The following LTBR variants were observed in gnomAD, a reference collection of about 807,000 sequenced individuals.
LTBR encodes the protein lymphotoxin beta receptor.
In LTBR, 15 loss-of-function variants were observed where a neutral mutation model predicts 45.4. The ratio of observed to expected loss-of-function variants is 0.33; its 90% CI spans 0.22 to 0.51. The LOEUF is 0.51. Ranked by LOEUF, LTBR falls within the 20% of genes least tolerant of loss-of-function variation. The pLI is 0.97. For synonymous variants in LTBR, 228 were observed against 231.0 expected, an observed-to-expected ratio of 0.99 and a Z score of 0.12; for missense variants, 450 against 565.5, an observed-to-expected ratio of 0.80 and a Z score of 2.07.
chr12:6,388,973 C>A lies in LTBR; in HGVS notation c.801+148C>A. 1 of 948,842 alleles carries A rather than the reference C, an allele frequency of 1.1e-6. No individual in the cohort carries two copies. Among genetic ancestry groups the A allele is most frequent in the Non-Finnish European group, 1.6e-6 (1 of 611,710 alleles). The allele number at this position is 948,842 out of a possible 1,614,324, so 58.8% of individuals were successfully genotyped here. A position where few individuals can be genotyped will look rare whatever the true frequency, so the allele number is the denominator to read the frequency against. On this transcript the variant is annotated intron_variant, in intron 8 of 9. Coordinates refer to ENST00000228918, the MANE Select transcript of LTBR (RefSeq NM_002342.3). The surrounding 1 kb of genome is among the most constrained non-coding windows in gnomAD (Gnocchi z 4.3). ...TACTGAACATGCCACGTACCAGGCA[C>A]TGTCCTAGGCACTGGGCGTACAGCA...
Position 6,377,550 on chromosome 12 carries a change from T to C in LTBR, c.39+1956T>C, listed in dbSNP as rs1231906196. The C allele has an allele frequency of 9.4e-6, 8 of 847,258 alleles. No homozygotes were observed. In the South Asian group the frequency reaches 1.0e-4, roughly 11 times the overall value. 52.5% of individuals were successfully genotyped at this position (847,258 alleles called of 1,614,324 possible). On this transcript the variant is annotated intron_variant, in intron 1 of 9. Coordinates refer to the LTBR transcript ENST00000539925. The stretch of plus-strand genomic sequence containing the variant: ...ACACAGAGCCCGTGGATTCGTCTGC[T>C]CTCTGGGTGCTGGGTTATCTCCTTG...
At chr12:6,383,274 G>A (rs565723415), upstream of LTBR, among the ~76,000 whole-genome samples, 21 of 152,188 alleles carry the variant, frequency 1.4e-4, no homozygotes, top group Non-Finnish European at 2.1e-4. Flanking sequence ...GTAACTCCAC[G>A]GGTGGGTGGG....
intron 1 of LTBR, among the ~76,000 whole-genome samples, chr12:6,378,127 T>C (rs943820234): frequency 7.2e-5 from 11 of 152,186 alleles, no homozygotes; most frequent in African/African-American, 2.7e-4. Context: ...CCCCTTCCTT[T>C]CCCTCCCCAA....
chr12:6,390,066 G>T (rs1170875484), intron 8 of LTBR, 46 bp from the exon 9 acceptor site: 3 of 1,294,016 alleles, frequency 2.3e-6, no homozygotes, highest in Non-Finnish European at 3.4e-6. Flanking sequence ...AGAAAAAAGG[G>T]TCTGGGGCCC....
rs745778884 is a variant in LTBR, at chr12:6,390,775, C to T, written c.1146C>T (p.Pro382=). The change falls in exon 10 of 10, where the codon CCC becomes CCT. Residue 382 remains proline (P), a synonymous_variant. Coordinates refer to ENST00000228918, the MANE Select transcript of LTBR (RefSeq NM_002342.3). ...GTCCTGGAGACCTCCCAGCTACCCC[C>T]GAACCTCCATACCCCATTCCCGAAG... The part of the protein sequence containing the change: ...PPGPGDLPAT[P]EPPYPIPEEG... The T allele has an allele frequency of 7.8e-5, 125 of 1,592,514 alleles. No homozygotes were observed. Among genetic ancestry groups the T allele is most frequent in the Admixed American group, 3.5e-4 (20 of 57,074 alleles).
chr12:6,390,296 G>A lies in LTBR; in HGVS notation c.986G>A (p.Arg329Lys). Residue 329 changes from arginine (R) to lysine (K), a missense_variant, in exon 9 of 10, where the codon AGG (arginine) becomes AAG (lysine). Physicochemically the swap from Arg to Lys is conservative, Grantham distance 26. Around this residue, in one of 3 missense-constraint regions of LTBR, gnomAD observed 367 missense variants for 435.4 expected, o/e 0.84. Coordinates refer to ENST00000228918, the MANE Select transcript of LTBR (RefSeq NM_002342.3). ...CAGCAGAGTCCTCTGGACCTGACCA[G>A]GGAGCCGCAGTTGGAACCCGGGGAG... Reference protein sequence around the residue: ...PQQQSPLDLTREPQLEPGEQS... With the variant: ...PQQQSPLDLTKEPQLEPGEQS... 1 of 1,612,638 alleles carries A rather than the reference G, an allele frequency of 6.2e-7. No homozygotes were observed. The highest frequency in any genetic ancestry group is 8.5e-7 in the Non-Finnish European group (1 of 1,179,016).
intron 4 of LTBR, 93 bp downstream of exon 4, chr12:6,385,472 A>AC: frequency 1.1e-5 from 16 of 1,448,122 alleles, no homozygotes; most frequent in South Asian, 1.0e-4. Context: ...GTCCACGGCG[A>AC]CCCCCCAGAT....
In LTBR at chr12:6,386,604, TACACACACACAC is replaced by T. The variant is rs3075360; in HGVS notation, c.667+181_667+192del. 8.1e-5 allele frequency: 44 copies of T among 546,504 alleles called. No individual in the cohort carries two copies. The highest frequency in any genetic ancestry group is 5.3e-4 in the South Asian group (23 of 43,306). 33.9% of individuals were successfully genotyped at this position (546,504 alleles called of 1,614,324 possible). ...AAATTGGAGTATCTCTAGGCTAGTT[TACACACACACAC>T]ACACACACACACACACACACTTTTA... On this transcript the variant is annotated intron_variant, in intron 6 of 9. Coordinates refer to ENST00000228918, the MANE Select transcript of LTBR (RefSeq NM_002342.3). This position sits in a 1 kb window ranked among gnomAD's most constrained non-coding sequence, Gnocchi z 4.1.
At position 6,386,188 on chromosome 12, in the gene LTBR, T is replaced by C; in HGVS notation, c.569+26T>C. ...GTGAGTGCAGCCCCACCCAAGCTCCTTCCACCCTCTGAGAAGCCTCAGCTG... is the reference window on the plus strand; with the variant it reads ...GTGAGTGCAGCCCCACCCAAGCTCCCTCCACCCTCTGAGAAGCCTCAGCTG... On this transcript the variant is annotated intron_variant, in intron 5 of 9. Coordinates refer to ENST00000228918, the MANE Select transcript of LTBR (RefSeq NM_002342.3). The surrounding 1 kb of genome is among the most constrained non-coding windows in gnomAD (Gnocchi z 4.1). 1 of 1,589,228 alleles carries C rather than the reference T, an allele frequency of 6.3e-7. No individual in the cohort carries two copies. The highest frequency in any genetic ancestry group is 8.6e-7 in the Non-Finnish European group (1 of 1,158,048).
At position 6,388,721 on chromosome 12, in the gene LTBR, T is replaced by C. The variant is rs970404069; in HGVS notation, c.776-79T>C. The stretch of plus-strand genomic sequence containing the variant: ...CCCCGGGTGGTCAAGTTGCTACACA[T>C]TGTGCTGGGATGTGGAGGCTGAAAG... On this transcript the variant is annotated intron_variant, in intron 7 of 9. Transcript: ENST00000228918. This position sits in a 1 kb window ranked among gnomAD's most constrained non-coding sequence, Gnocchi z 4.3. 3 of 1,573,250 alleles carry C rather than the reference T, an allele frequency of 1.9e-6. No homozygotes were observed. Among genetic ancestry groups the C allele is most frequent in the Non-Finnish European group, 1.7e-6 (2 of 1,144,184 alleles).
At chr12:6,385,510 C>A in intron 4 of LTBR, 131 bp downstream of exon 4, 2 of 1,088,218 alleles carry the variant, frequency 1.8e-6, no homozygotes, top group South Asian at 1.5e-5. Context: ...TCTTCTCATT[C>A]CATGCAGAGG....
rs777604934 is a variant in LTBR at position 6,388,185 on chromosome 12, AGAG to A, written c.668-211_668-209del. 22 of 539,666 alleles carry A rather than the reference AGAG, an allele frequency of 4.1e-5. No homozygotes were observed. The highest frequency in any genetic ancestry group is 6.7e-5 in the Non-Finnish European group (20 of 298,814). 33.4% of individuals were successfully genotyped at this position (539,666 alleles called of 1,614,324 possible). A position where few individuals can be genotyped will look rare whatever the true frequency, so the allele number is the denominator to read the frequency against. ...ATGATACAGTCTCTCCTGGCTGCCA[AGAG>A]GTCCTCAAGTCCAACTTAGTTCCCC... On this transcript the variant is annotated intron_variant, in intron 6 of 9. Coordinates refer to ENST00000228918, the MANE Select transcript of LTBR (RefSeq NM_002342.3). The surrounding 1 kb of genome is among the most constrained non-coding windows in gnomAD (Gnocchi z 4.3).
intron 4 of LTBR, chr12:6,385,591 G>T (rs1949030982): frequency 3.1e-6 from 2 of 640,866 alleles, no homozygotes; most frequent in Admixed American, 3.0e-5. Context: ...GTTCTTCTCA[G>T]TACTGGGAAG....
rs771908386 is a variant in LTBR, at chr12:6,390,314, C to T, written c.1004C>T (p.Pro335Leu). 6.2e-7 allele frequency: 1 copy of T among 1,609,002 alleles called. No individual in the cohort carries two copies. Among genetic ancestry groups the T allele is most frequent in the East Asian group, 2.2e-5 (1 of 44,636 alleles). The change falls in exon 9 of 10, where the codon CCC (proline) becomes CTC (leucine). Residue 335 changes from proline (P) to leucine (L), a missense_variant. Physicochemically the swap from Pro to Leu is moderately conservative, Grantham distance 98 (BLOSUM62 -3). This residue lies in a region of LTBR where 367 missense variants were observed against 435.4 expected (regional missense o/e 0.84). Transcript: ENST00000228918. ...CTGACCAGGGAGCCGCAGTTGGAAC[C>T]CGGGGAGCAGAGCCAGGTGGCCCAC... ...LDLTREPQLE[P>L]GEQSQVAHGT...
At position 6,386,176 on chromosome 12, in the gene LTBR, C is replaced by A; in HGVS notation, c.569+14C>A. 1 of 1,603,932 alleles carries A rather than the reference C, an allele frequency of 6.2e-7. No homozygotes were observed. The highest frequency in any genetic ancestry group is 1.1e-5 in the South Asian group (1 of 90,788). ...GCCCCACACCAGGTGAGTGCAGCCC[C>A]ACCCAAGCTCCTTCCACCCTCTGAG... is the stretch of plus-strand genomic sequence containing the variant. On this transcript the variant is annotated intron_variant, in intron 5 of 9. Transcript: ENST00000228918. The surrounding 1 kb of genome is among the most constrained non-coding windows in gnomAD (Gnocchi z 4.1).
In LTBR at chr12:6,385,213, C is replaced by G. The variant is rs778222187; in HGVS notation, c.320-14C>G. 11 of 1,613,996 alleles carry G rather than the reference C, an allele frequency of 6.8e-6. No homozygotes were observed. Among genetic ancestry groups the G allele is most frequent in the South Asian group, 1.1e-5 (1 of 91,086 alleles). On this transcript the variant is annotated splice_polypyrimidine_tract_variant and intron_variant, in intron 3 of 9. Coordinates refer to ENST00000228918, the MANE Select transcript of LTBR (RefSeq NM_002342.3). ...AGCTTGGCCCCTCCCTGAGCCCTCC[C>G]GTCTCCCCGCCAGTGATGGGCCTCG... is the stretch of plus-strand genomic sequence containing the variant.
At chr12:6,381,338 T>G (rs1948982506), upstream of LTBR, among the ~76,000 whole-genome samples, 1 of 152,160 alleles carries the variant, frequency 6.6e-6, no homozygotes, top group Non-Finnish European at 1.5e-5. Flanking sequence ...GACAACCAAC[T>G]GCAGGTGAAG....
At position 6,377,723 on chromosome 12, in the gene LTBR, A is replaced by G. The variant is rs552638796; in HGVS notation, c.39+2129A>G. The G allele has an allele frequency of 2.6e-5, 33 of 1,272,914 alleles. No individual in the cohort carries two copies. In the African/African-American group the frequency reaches 4.0e-4, roughly 15 times the overall value. 78.9% of individuals were successfully genotyped at this position (1,272,914 alleles called of 1,614,324 possible). On this transcript the variant is annotated intron_variant, in intron 1 of 9. Transcript: ENST00000539925. ...TCAGCACCCTGGCTGTTTGATCTCAAAGGTTCTGAAAAGCACCTCCCTGCC... is the reference window on the plus strand; with the variant it reads ...TCAGCACCCTGGCTGTTTGATCTCAGAGGTTCTGAAAAGCACCTCCCTGCC...
At chr12:6,377,354 G>A in intron 1 of LTBR, 3 of 1,247,998 alleles carry the variant, frequency 2.4e-6, no homozygotes, top group South Asian at 1.3e-5. Flanking sequence ...TCAGTTTTCT[G>A]AGGTTAGAAA....
Sources: allele counts gnomAD v4.1 joint callset (sites outside exome capture counted in the v4.1 genomes callset), GRCh38; gene constraint gnomAD v4.1.1; regional missense constraint gnomAD v4.1.1; non-coding constraint Gnocchi (gnomAD v3.1); transcripts MANE v1.5; gene names NCBI Gene and HGNC (gene_info 2026-07-23, HGNC 2026-07-21).